The following DCDC1 variants were observed in gnomAD, a reference collection of about 807,000 sequenced individuals.
DCDC1 encodes doublecortin domain-containing protein 1.
A neutral mutation model predicts 178.3 loss-of-function variants in DCDC1; 200 were observed. The ratio of observed to expected loss-of-function variants is 1.12; its 90% CI spans 1.00 to 1.26. The LOEUF (loss-of-function observed/expected upper bound fraction) is 1.26, where lower values mean the gene tolerates loss of function less well. Among genes scored for constraint, DCDC1 ranks in the 50% most tolerant of loss-of-function variants. The probability of loss-of-function intolerance (pLI) is 0.00; values close to 1 mark genes in which losing one functional copy is unlikely to be tolerated. For synonymous variants in DCDC1, 690 were observed against 604.8 expected (o/e 1.14, Z -2.07); for missense variants, 1,983 against 1,749.2 (o/e 1.13, Z -2.38).
intron 8 of DCDC1, chr11:31,241,881 T>A: frequency 3.9e-6 from 1 of 254,128 alleles, no homozygotes; most frequent in Admixed American, 5.5e-5. Flanking sequence ...CTGCACAGAG[T>A]GTCATGGTGT....
At chr11:31,086,770 A>T (rs1409739325) in intron 17 of DCDC1, among the ~76,000 whole-genome samples, 2 of 152,146 alleles carry the variant, frequency 1.3e-5, no homozygotes, top group East Asian at 1.9e-4. Flanking sequence ...TTCATGATAC[A>T]TCTTTTTATA....
chr11:31,284,474 G>A (rs573323096), intron 7 of DCDC1, among the ~76,000 whole-genome samples: 1 of 152,010 alleles, frequency 6.6e-6, no homozygotes, highest in East Asian at 1.9e-4. Context: ...TAATGGTAAG[G>A]TATGCATGGA....
At position 30,968,698 on chromosome 11, in the gene DCDC1, T is replaced by C. The variant is rs901396418; in HGVS notation, c.2592-16130A>G. 2.5e-4 allele frequency among the ~76,000 whole-genome samples: 33 copies of C among 129,784 alleles called. 1 individual carries two copies. Among genetic ancestry groups the C allele is most frequent in the Non-Finnish European group, 3.2e-4 (20 of 62,576 alleles). The allele number at this position is 129,784 out of a possible 152,430, so 85.1% of individuals were successfully genotyped here. A position where few individuals can be genotyped will look rare whatever the true frequency, so the allele number is the denominator to read the frequency against. ...ATATCAAATTATATATATCAAATTA[T>C]ATATATATCAAATTATATATATATA... On this transcript the variant is annotated intron_variant, in intron 20 of 38. Coordinates refer to ENST00000684477, the MANE Select transcript of DCDC1 (RefSeq NM_001387274.1).
At chr11:31,116,299 G>A (rs1959951152) in intron 11 of DCDC1, among the ~76,000 whole-genome samples, 1 of 151,578 alleles carries the variant, frequency 6.6e-6, no homozygotes. Flanking sequence ...AAATTTTAAA[G>A]GCATAGAAAA....
intron 20 of DCDC1, among the ~76,000 whole-genome samples, chr11:30,999,855 C>G (rs1951475569): frequency 6.6e-6 from 1 of 152,080 alleles, no homozygotes; most frequent in Non-Finnish European, 1.5e-5. Flanking sequence ...ATCTTAGGAG[C>G]ACACTGGAGA....
At position 30,901,935 on chromosome 11, in the gene DCDC1, C is replaced by G. The variant is rs1051169017; in HGVS notation, c.4511-1437G>C. 3.3e-5 allele frequency among the ~76,000 whole-genome samples: 5 copies of G among 152,022 alleles called. No individual in the cohort carries two copies. The East Asian group carries it at 9.7e-4, about 29-fold the overall frequency. On this transcript the variant is annotated intron_variant, in intron 32 of 38. Coordinates refer to ENST00000684477, the MANE Select transcript of DCDC1 (RefSeq NM_001387274.1). ...TGGTAAATATCAACCAGGCATTGTTCTAAGTTATATATGTGCGTGTGTGTA... is the reference window on the plus strand; with the variant it reads ...TGGTAAATATCAACCAGGCATTGTTGTAAGTTATATATGTGCGTGTGTGTA...
At chr11:31,057,694 A>G (rs573719422) in intron 20 of DCDC1, among the ~76,000 whole-genome samples, 1 of 152,104 alleles carries the variant, frequency 6.6e-6, no homozygotes, top group African/African-American at 2.4e-5. Context: ...GCATGGGCCA[A>G]GTACAATCAG....
intron 2 of DCDC1, among the ~76,000 whole-genome samples, chr11:31,330,321 C>G (rs1362648600): frequency 6.6e-6 from 1 of 152,122 alleles, no homozygotes; most frequent in East Asian, 1.9e-4. Context: ...AGGTAGATGG[C>G]AAAAATTTTC....
rs4067329 is a variant in DCDC1 at position 31,046,615 on chromosome 11, G to GAAA, written c.2591+17851_2591+17853dup. ...TCAAAGTGTTCACTGGCCTCAGTAA[G>GAAA]AAAAAAAAAAAGCCATATGTGCAAT... is the stretch of plus-strand genomic sequence containing the variant. On this transcript the variant is annotated intron_variant, in intron 20 of 38. Coordinates refer to ENST00000684477, the MANE Select transcript of DCDC1 (RefSeq NM_001387274.1). Among the ~76,000 whole-genome samples, 1,007 of 140,460 alleles carry GAAA rather than the reference G, an allele frequency of 7.2e-3. 8 individuals are homozygous for GAAA. Among genetic ancestry groups the GAAA allele is most frequent in the African/African-American group, 0.018 (704 of 38,776 alleles). 92.1% of individuals were successfully genotyped at this position (140,460 alleles called of 152,430 possible). A position where few individuals can be genotyped will look rare whatever the true frequency, so the allele number is the denominator to read the frequency against.
At chr11:31,157,250 G>T (rs1197943534) in intron 9 of DCDC1, among the ~76,000 whole-genome samples, 1 of 150,220 alleles carries the variant, frequency 6.7e-6, no homozygotes, top group Non-Finnish European at 1.5e-5. Flanking sequence ...AATGAGCTGG[G>T]CATGGTAGCA....
intron 20 of DCDC1, among the ~76,000 whole-genome samples, chr11:31,031,240 G>A (rs1462266343): frequency 6.6e-6 from 1 of 151,964 alleles, no homozygotes; most frequent in Non-Finnish European, 1.5e-5. Flanking sequence ...CAGAAGAATT[G>A]GCAAATGCTA....
intron 36 of DCDC1, among the ~76,000 whole-genome samples, chr11:30,890,918 T>TA (rs1383284242): frequency 2.6e-5 from 4 of 152,204 alleles, no homozygotes; most frequent in African/African-American, 9.6e-5. Flanking sequence ...ACTCATAATC[T>TA]AGCTCTGTTA....
intron 13 of DCDC1, among the ~76,000 whole-genome samples, chr11:31,104,801 T>C (rs1349057262): frequency 6.6e-6 from 1 of 152,030 alleles, no homozygotes; most frequent in African/African-American, 2.4e-5. Flanking sequence ...GGGAGATATA[T>C]AACAGGTAAA....
chr11:31,301,182 TC>T (rs1948093300), intron 6 of DCDC1, among the ~76,000 whole-genome samples: 2 of 152,350 alleles, frequency 1.3e-5, no homozygotes, highest in South Asian at 4.1e-4. Context: ...TGTTTTTTTT[TC>T]ACCACATAAT....
intron 20 of DCDC1, among the ~76,000 whole-genome samples, chr11:31,007,750 G>A (rs558562179): frequency 2.0e-5 from 3 of 148,056 alleles, no homozygotes; most frequent in South Asian, 2.2e-4. Flanking sequence ...TGCAACCTCC[G>A]CCTCCTGGGT....
intron 13 of DCDC1, among the ~76,000 whole-genome samples, chr11:31,106,593 GAA>G (rs1958864578): frequency 6.6e-6 from 1 of 152,188 alleles, no homozygotes; most frequent in South Asian, 2.1e-4. Flanking sequence ...CATTAAGACA[GAA>G]AGTCACAGAC....
At position 31,103,181 on chromosome 11, in the gene DCDC1, C is replaced by G. The variant is rs16921792; in HGVS notation, c.1877+463G>C. Among the ~76,000 whole-genome samples the G allele has an allele frequency of 5.9e-3, 896 of 152,258 alleles. 10 individuals are homozygous for G. The highest frequency in any genetic ancestry group is 0.02 in the African/African-American group (836 of 41,544). On this transcript the variant is annotated intron_variant, in intron 14 of 38. Coordinates refer to ENST00000684477, the MANE Select transcript of DCDC1 (RefSeq NM_001387274.1). ...TGGACAATCACGAGCAGAGACGAAGCAAAATGCCTCCTTAGATCTTCCAAC... is the reference window on the plus strand; with the variant it reads ...TGGACAATCACGAGCAGAGACGAAGGAAAATGCCTCCTTAGATCTTCCAAC...
intron 8 of DCDC1, among the ~76,000 whole-genome samples, chr11:31,246,328 A>G (rs933858860): frequency 2.0e-5 from 3 of 152,044 alleles, no homozygotes; most frequent in African/African-American, 7.2e-5. Flanking sequence ...ATAGTTACCT[A>G]TAAAGAAACT....
chr11:31,148,938 T>TTA (rs1473970169), intron 9 of DCDC1, among the ~76,000 whole-genome samples: 2 of 151,982 alleles, frequency 1.3e-5, no homozygotes. Context: ...TATATTACTC[T>TTA]TATGCCTTCC....
Sources: gnomAD v4.1 joint callset for allele counts (sites outside exome capture counted in the v4.1 genomes callset) on GRCh38, gnomAD v4.1.1 for gene constraint, MANE v1.5 for transcripts, NCBI Gene and HGNC (gene_info 2026-07-23, HGNC 2026-07-21) for gene names.